The following INPP4A variants were observed in gnomAD, a reference collection of about 807,000 sequenced individuals.
The protein encoded by INPP4A is inositol polyphosphate-4-phosphatase type I A, also known as inositol polyphosphate-4-phosphatase, type I, 107kD.
In INPP4A, 33 loss-of-function variants were observed where a neutral mutation model predicts 119.8. That is an observed-to-expected ratio of 0.28 (90% CI 0.21 to 0.37). INPP4A has a LOEUF of 0.37. INPP4A is among the 10% of genes least tolerant of loss of function. The probability of loss-of-function intolerance (pLI) is 1.00; values close to 1 mark genes in which losing one functional copy is unlikely to be tolerated. For synonymous variants in INPP4A, 496 were observed against 500.7 expected, an observed-to-expected ratio of 0.99 and a Z score of 0.12; for missense variants, 956 against 1,289.9, an observed-to-expected ratio of 0.74 and a Z score of 3.97.
At chr2:98,495,531 T>C (rs1287155292) in intron 1 of INPP4A, among the ~76,000 whole-genome samples, 5 of 152,226 alleles carry the variant, frequency 3.3e-5, no homozygotes, top group Admixed American at 3.3e-4. Flanking sequence ...GTGGTCAGGC[T>C]ACAACTTAGT....
At chr2:98,482,766 T>G (rs1678737187) in intron 1 of INPP4A, among the ~76,000 whole-genome samples, 1 of 152,274 alleles carries the variant, frequency 6.6e-6, no homozygotes, top group South Asian at 2.1e-4. Context: ...AAGCTTTTGA[T>G]CTAAGCTTAC....
rs370190820 is a variant in INPP4A at position 98,533,315 on chromosome 2, A to T, written c.152-62A>T. 2.3e-4 allele frequency: 237 copies of T among 1,033,358 alleles called. 1 individual carries two copies. In the East Asian group the frequency reaches 4.6e-3, roughly 20 times the overall value. The allele number at this position is 1,033,358 out of a possible 1,614,324, so 64.0% of individuals were successfully genotyped here. On this transcript the variant is annotated intron_variant, in intron 4 of 24. Transcript: ENST00000409851. ...TGTGCTTTCTTTGAATGTGTTTGGA[A>T]CAGAAAACTAATCAGAGTCTGGTTT...
At chr2:98,463,407 C>T (rs1674020767) in intron 1 of INPP4A, among the ~76,000 whole-genome samples, 1 of 152,368 alleles carries the variant, frequency 6.6e-6, no homozygotes, top group South Asian at 2.1e-4. Context: ...GCCCTCCCAG[C>T]ATTTCAGCTG....
At chr2:98,584,618 G>A (rs1184868760) in intron 24 of INPP4A, among the ~76,000 whole-genome samples, 2 of 152,274 alleles carry the variant, frequency 1.3e-5, no homozygotes, top group African/African-American at 4.8e-5. Flanking sequence ...TTGGCCCGTG[G>A]GCTGAGAGAA....
At chr2:98,547,758 G>A (rs1692732792) in intron 13 of INPP4A, among the ~76,000 whole-genome samples, 1 of 152,070 alleles carries the variant, frequency 6.6e-6, no homozygotes. Context: ...AAGAGCAGGT[G>A]TTCATCAGAA....
At chr2:98,513,549 C>G (rs1574848790) in intron 1 of INPP4A, among the ~76,000 whole-genome samples, 1 of 152,220 alleles carries the variant, frequency 6.6e-6, no homozygotes, top group East Asian at 1.9e-4. Context: ...CTCTGGAATA[C>G]TTGGAAGCAG....
chr2:98,492,146 C>T (rs565495335), intron 1 of INPP4A, among the ~76,000 whole-genome samples: 2 of 152,292 alleles, frequency 1.3e-5, no homozygotes, highest in South Asian at 4.1e-4. Flanking sequence ...GCCTCAGCCT[C>T]CCAAACTGCT....
At chr2:98,559,864 G>A (rs1050916280) in intron 17 of INPP4A, among the ~76,000 whole-genome samples, 1 of 152,230 alleles carries the variant, frequency 6.6e-6, no homozygotes, top group African/African-American at 2.4e-5. Context: ...GTTGCAGTTA[G>A]TACCAGAAAT....
In INPP4A at chr2:98,482,540, G is replaced by T. The variant is rs185277837; in HGVS notation, c.-165-36424G>T. ...ACTGGCTGTCCTGGAAAGCAGAGAGGGGCAGCTGTGGGCCTCTGTGCAATG... is the reference window on the plus strand; with the variant it reads ...ACTGGCTGTCCTGGAAAGCAGAGAGTGGCAGCTGTGGGCCTCTGTGCAATG... On this transcript the variant is annotated intron_variant, in intron 1 of 24. Coordinates refer to ENST00000409851, the MANE Select transcript of INPP4A (RefSeq NM_001134225.2). Among the ~76,000 whole-genome samples the T allele has an allele frequency of 6.6e-4, 100 of 152,354 alleles. 2 individuals are homozygous for T. The East Asian group carries it at 0.01, about 15-fold the overall frequency.
intron 1 of INPP4A, among the ~76,000 whole-genome samples, chr2:98,513,754 G>A (rs567903985): frequency 6.6e-6 from 1 of 152,236 alleles, no homozygotes. Flanking sequence ...TGTTCTCTCT[G>A]TTGGCCTTGC....
At position 98,546,743 on chromosome 2, in the gene INPP4A, T is replaced by G. The variant is rs765857955; in HGVS notation, c.1163+49T>G. ...GGTCCTTGTACAGCTTTCTGATGCT[T>G]CTTTTCTCAGTTTAAAATAAAATCA... On this transcript the variant is annotated intron_variant, in intron 13 of 24. Transcript: ENST00000409851. The surrounding 1 kb of genome is among the most constrained non-coding windows in gnomAD (Gnocchi z 4.2). The G allele has an allele frequency of 1.8e-5, 20 of 1,127,636 alleles. No individual in the cohort carries two copies. Among genetic ancestry groups the G allele is most frequent in the South Asian group, 2.5e-5 (2 of 78,444 alleles). 69.9% of individuals were successfully genotyped at this position (1,127,636 alleles called of 1,614,324 possible). A position where few individuals can be genotyped will look rare whatever the true frequency, so the allele number is the denominator to read the frequency against.
chr2:98,577,202 G>A lies in INPP4A; in HGVS notation c.2786+59G>A, dbSNP rs917471768. 4.9e-4 allele frequency: 732 copies of A among 1,497,028 alleles called. 5 individuals carry two copies. The highest frequency in any genetic ancestry group is 1.1e-4 in the Non-Finnish European group (121 of 1,112,694). 92.7% of individuals were successfully genotyped at this position (1,497,028 alleles called of 1,614,324 possible). A position where few individuals can be genotyped will look rare whatever the true frequency, so the allele number is the denominator to read the frequency against. On this transcript the variant is annotated intron_variant, in intron 24 of 24. Transcript: ENST00000409851. ...GCCCCGGCCCGTGTAAACTGCAGAT[G>A]AGCTGGTACCCTGCTCCTGCCTGCA...
intron 1 of INPP4A, among the ~76,000 whole-genome samples, chr2:98,483,018 A>C (rs866002174): frequency 1.8e-4 from 28 of 152,232 alleles, no homozygotes; most frequent in African/African-American, 6.8e-4. Flanking sequence ...AAAAATTCCA[A>C]ACCCTAACCA....
chr2:98,508,857 GTC>G (rs1240285783), intron 1 of INPP4A, among the ~76,000 whole-genome samples: 11 of 147,654 alleles, frequency 7.4e-5, no homozygotes, highest in African/African-American at 3.0e-4. Context: ...TGTTGTCTTT[GTC>G]TGTGGTATTG....
At chr2:98,548,951 G>C (rs372953761) in intron 13 of INPP4A, 2 of 1,609,912 alleles carry the variant, frequency 1.2e-6, no homozygotes, top group African/African-American at 2.7e-5. Context: ...CTTTTCTTTA[G>C]CAGTTTTGAG....
chr2:98,503,888 A>T (rs1027687695), intron 1 of INPP4A, among the ~76,000 whole-genome samples: 8 of 152,186 alleles, frequency 5.3e-5, no homozygotes, highest in African/African-American at 1.9e-4. Context: ...AAGAAGGCAG[A>T]TGTTGCTGTT....
chr2:98,449,663 G>A (rs1001372852), intron 1 of INPP4A, among the ~76,000 whole-genome samples: 4 of 152,174 alleles, frequency 2.6e-5, no homozygotes, highest in East Asian at 1.9e-4. Flanking sequence ...ATGTATTCTC[G>A]TTGCTACTGA....
chr2:98,474,979 C>G (rs769278702), intron 1 of INPP4A, among the ~76,000 whole-genome samples: 12 of 152,046 alleles, frequency 7.9e-5, no homozygotes, highest in Non-Finnish European at 1.5e-4. Flanking sequence ...CAAGGGTGTA[C>G]ACTGTATCAG....
chr2:98,480,068 C>A (rs1678090737), intron 1 of INPP4A, among the ~76,000 whole-genome samples: 1 of 152,268 alleles, frequency 6.6e-6, no homozygotes, highest in South Asian at 2.1e-4. Flanking sequence ...GCTTGCTGTC[C>A]TTGCCAGCAC....
Sources: allele counts gnomAD v4.1 joint callset (sites outside exome capture counted in the v4.1 genomes callset), GRCh38; gene constraint gnomAD v4.1.1; non-coding constraint Gnocchi (gnomAD v3.1); transcripts MANE v1.5; gene names NCBI Gene and HGNC (gene_info 2026-07-23, HGNC 2026-07-21).